Variants in NPSR1 observed in about 807,000 individuals in gnomAD.
NPSR1 encodes neuropeptide S receptor.
NPSR1 carries 48 observed loss-of-function variants against 46.9 expected under a neutral mutation model. The observed-to-expected ratio is 1.02, with a 90% CI of 0.81 to 1.30. The LOEUF is 1.30. NPSR1 is among the 50% of genes most tolerant of loss of function. The pLI, the probability that NPSR1 is intolerant of heterozygous loss-of-function variation, is 0.00. For missense variants in NPSR1, 450 were observed against 449.5 expected (o/e 1.00, Z -0.01); for synonymous variants, 176 against 168.1 (o/e 1.05, Z -0.36).
intron 2 of NPSR1, chr7:34,750,205 C>A: frequency 2.0e-6 from 1 of 505,800 alleles, no homozygotes; most frequent in African/African-American, 2.0e-5. Context: ...GGTCACCCTA[C>A]AAGTTACCCT....
chr7:34,818,565 C>G (rs1042797484), intron 4 of NPSR1, among the ~76,000 whole-genome samples: 2 of 152,146 alleles, frequency 1.3e-5, no homozygotes, highest in African/African-American at 4.8e-5. Flanking sequence ...TTGGAAAAAA[C>G]TACTTTAAAG....
chr7:34,869,493 C>T (rs1277468986), intron 8 of NPSR1, among the ~76,000 whole-genome samples: 1 of 151,660 alleles, frequency 6.6e-6, no homozygotes, highest in Admixed American at 6.5e-5. Context: ...AGTGTCACCT[C>T]ACTGTACTCC....
rs869170591 is a variant in NPSR1, at chr7:34,689,604, C to CAAAAAAAAAAAAAAAAAAAAA, written c.280+4930_280+4950dup. Among the ~76,000 whole-genome samples, 22 of 36,688 alleles carry CAAAAAAAAAAAAAAAAAAAAA rather than the reference C, an allele frequency of 6.0e-4. 1 individual carries two copies. The highest frequency in any genetic ancestry group is 6.6e-4 in the Non-Finnish European group (14 of 21,348). The allele number at this position is 36,688 out of a possible 152,430, so 24.1% of individuals were successfully genotyped here. A position where few individuals can be genotyped will look rare whatever the true frequency, so the allele number is the denominator to read the frequency against. On this transcript the variant is annotated intron_variant, in intron 2 of 8. Coordinates refer to ENST00000360581, the MANE Select transcript of NPSR1 (RefSeq NM_207172.2). Reference sequence around the variant, plus strand: ...TGGATGACAGAGCCAGACTCTGTCTCAAAAAAAAAAAAAAAAAAAAAAAAA... The same window carrying CAAAAAAAAAAAAAAAAAAAAA: ...TGGATGACAGAGCCAGACTCTGTCTCAAAAAAAAAAAAAAAAAAAAAAAAAAAAAAAAAAAAAAAAAAAAAA...
At chr7:34,779,333 T>C (rs34252993) in intron 3 of NPSR1, among the ~76,000 whole-genome samples, 10,403 of 151,984 alleles carry the variant, frequency 0.068, 1,032 homozygotes, top group African/African-American at 0.22. Context: ...ATGTGCTGTT[T>C]CTGAGTTCTT....
At chr7:34,813,381 A>AT (rs1209827983) in intron 4 of NPSR1, among the ~76,000 whole-genome samples, 4 of 152,206 alleles carry the variant, frequency 2.6e-5, no homozygotes, top group Non-Finnish European at 4.4e-5. Flanking sequence ...AGTGAAAGTA[A>AT]TTTGCCCAAG....
intron 2 of NPSR1, among the ~76,000 whole-genome samples, chr7:34,749,165 CCT>C (rs1167438516): frequency 7.9e-5 from 12 of 152,120 alleles, no homozygotes; most frequent in Non-Finnish European, 1.3e-4. Flanking sequence ...CAAAGCTGAG[CCT>C]CTGTGTGGCC....
At chr7:34,784,789 A>G (rs896000326) in intron 3 of NPSR1, among the ~76,000 whole-genome samples, 2 of 152,206 alleles carry the variant, frequency 1.3e-5, no homozygotes, top group African/African-American at 4.8e-5. Flanking sequence ...AATGCTCACC[A>G]TCACTGGCCA....
intron 2 of NPSR1, among the ~76,000 whole-genome samples, chr7:34,713,862 G>A (rs566935511): frequency 2.4e-4 from 37 of 152,356 alleles, no homozygotes; most frequent in African/African-American, 8.2e-4. Context: ...TGTGCGAGGC[G>A]CCACGTCCAC....
At chr7:34,850,938 T>TTTGACAGATC (rs1261803369), downstream of NPSR1, among the ~76,000 whole-genome samples, 1 of 152,176 alleles carries the variant, frequency 6.6e-6, no homozygotes, top group Non-Finnish European at 1.5e-5. Context: ...TGGGGCTTAT[T>TTTGACAGATC]TTGACAGATC....
intron 2 of NPSR1, among the ~76,000 whole-genome samples, chr7:34,706,461 A>C (rs1794115716): frequency 6.6e-6 from 1 of 152,160 alleles, no homozygotes; most frequent in South Asian, 2.1e-4. Flanking sequence ...ATACTTTATT[A>C]ATCAATAATT....
downstream of NPSR1, among the ~76,000 whole-genome samples, chr7:34,854,654 A>G (rs1321167966): frequency 6.6e-6 from 1 of 152,244 alleles, no homozygotes; most frequent in Admixed American, 6.5e-5. Flanking sequence ...CATGGCCTCA[A>G]AATATATACT....
At chr7:34,777,581 G>A (rs547735173) in intron 2 of NPSR1, among the ~76,000 whole-genome samples, 1 of 151,462 alleles carries the variant, frequency 6.6e-6, no homozygotes, top group South Asian at 2.1e-4. Flanking sequence ...TGCTTACAAA[G>A]CTACTTTTTT....
chr7:34,807,432 A>G (rs1788755673), intron 3 of NPSR1, among the ~76,000 whole-genome samples: 2 of 152,166 alleles, frequency 1.3e-5, no homozygotes. Flanking sequence ...TACTTGTTAC[A>G]TATAACTTTG....
At chr7:34,823,417 C>CAAAAAAAAAAAA (rs79081202) in intron 4 of NPSR1, among the ~76,000 whole-genome samples, 4 of 103,956 alleles carry the variant, frequency 3.8e-5, no homozygotes, top group Non-Finnish European at 5.6e-5. Flanking sequence ...AAAAAAAAAA[C>CAAAAAAAAAAAA]AACACCATAA....
At chr7:34,721,256 C>A (rs766401815) in intron 2 of NPSR1, among the ~76,000 whole-genome samples, 2 of 151,790 alleles carry the variant, frequency 1.3e-5, no homozygotes, top group Non-Finnish European at 2.9e-5. Flanking sequence ...ATTTCCAGAA[C>A]GTCAAAGGAA....
chr7:34,783,123 T>G (rs1787307897), intron 3 of NPSR1, among the ~76,000 whole-genome samples: 2 of 152,078 alleles, frequency 1.3e-5, no homozygotes, highest in South Asian at 4.2e-4. Context: ...TGAAGAAAGC[T>G]TAAGAGATTT....
chr7:34,693,930 A>C (rs1044557414), intron 2 of NPSR1, among the ~76,000 whole-genome samples: 1 of 152,192 alleles, frequency 6.6e-6, no homozygotes, highest in African/African-American at 2.4e-5. Context: ...TCAATACAAT[A>C]AGGCGTCAAT....
At chr7:34,761,671 C>G (rs1480914216) in intron 2 of NPSR1, among the ~76,000 whole-genome samples, 1 of 149,622 alleles carries the variant, frequency 6.7e-6, no homozygotes, top group East Asian at 1.9e-4. Context: ...GAAAATGGAA[C>G]TCTCCTCTCC....
intron 2 of NPSR1, among the ~76,000 whole-genome samples, chr7:34,766,055 T>TA (rs968258729): frequency 6.6e-6 from 1 of 151,802 alleles, no homozygotes; most frequent in Non-Finnish European, 1.5e-5. Context: ...AAATCATTTC[T>TA]AAAAAAAGAA....
Sources: allele counts gnomAD v4.1 joint callset (sites outside exome capture counted in the v4.1 genomes callset), GRCh38; gene constraint gnomAD v4.1.1; transcripts MANE v1.5; gene names NCBI Gene and HGNC (gene_info 2026-07-23, HGNC 2026-07-21).